Variants in TRIO observed in about 807,000 individuals in gnomAD.
TRIO encodes the protein triple functional domain protein.
In TRIO, 58 loss-of-function variants were observed where a neutral mutation model predicts 351.9. That is an observed-to-expected ratio of 0.16 (90% CI 0.13 to 0.21). TRIO has a LOEUF of 0.21. Ranked by LOEUF, TRIO falls within the 10% of genes least tolerant of loss-of-function variation. The pLI, the probability that TRIO is intolerant of heterozygous loss-of-function variation, is 1.00. For synonymous variants in TRIO, 1,758 were observed against 1,595.7 expected (o/e 1.10, Z -2.42); for missense variants, 3,201 against 4,027.8 (o/e 0.79, Z 5.56).
chr5:14,477,039 A>G, intron 41 of TRIO, 76 bp downstream of exon 41: 1 of 1,315,214 alleles, frequency 7.6e-7, no homozygotes, highest in South Asian at 1.3e-5. Flanking sequence ...ATTAAAGGAG[A>G]ACTCACTTAT....
intron 7 of TRIO, 86 bp downstream of exon 7, chr5:14,297,349 G>T: frequency 1.4e-6 from 2 of 1,438,552 alleles, no homozygotes; most frequent in South Asian, 2.8e-5. Context: ...AAACACTCTT[G>T]TGTAGCACAT....
chr5:14,406,121 G>T, intron 32 of TRIO, 131 bp downstream of exon 32: 1 of 1,295,762 alleles, frequency 7.7e-7, no homozygotes, highest in Non-Finnish European at 1.0e-6. Context: ...TGCCATTTGT[G>T]GATAACATCA....
intron 1 of TRIO, among the ~76,000 whole-genome samples, chr5:14,209,405 A>G (rs770940543): frequency 2.0e-5 from 3 of 152,240 alleles, no homozygotes; most frequent in Non-Finnish European, 2.9e-5. Flanking sequence ...GGAAGTCACC[A>G]TCTGTGGCCT....
intron 11 of TRIO, among the ~76,000 whole-genome samples, chr5:14,337,191 C>T (rs577907169): frequency 6.6e-6 from 1 of 152,212 alleles, no homozygotes; most frequent in East Asian, 1.9e-4. Context: ...AATATTAAAG[C>T]TAATGTCATA....
At chr5:14,413,333 C>T (rs1479116303) in intron 33 of TRIO, among the ~76,000 whole-genome samples, 2 of 152,240 alleles carry the variant, frequency 1.3e-5, no homozygotes, top group Non-Finnish European at 2.9e-5. Context: ...AGCACCTTTC[C>T]AGCTGTTCCG....
At chr5:14,348,960 ATGTG>A (rs551286985) in intron 11 of TRIO, among the ~76,000 whole-genome samples, 6 of 142,372 alleles carry the variant, frequency 4.2e-5, no homozygotes, top group African/African-American at 1.6e-4. Context: ...ACACGTGAGC[ATGTG>A]TGTTTTTCCT....
In TRIO at chr5:14,143,885, G is replaced by T; in HGVS notation, c.157+3G>T. On this transcript the variant is annotated splice_donor_region_variant and intron_variant, in intron 1 of 56. Coordinates refer to ENST00000344204, the MANE Select transcript of TRIO (RefSeq NM_007118.4). ...CATCGCGGCCTTCTTCCGATCCGGT[G>T]AGTGCAACTGCGGCCGGCCCGCCCA... is the stretch of plus-strand genomic sequence containing the variant. 1 of 1,077,530 alleles carries T rather than the reference G, an allele frequency of 9.3e-7. No individual in the cohort carries two copies. The highest frequency in any genetic ancestry group is 1.1e-6 in the Non-Finnish European group (1 of 890,062). The allele number at this position is 1,077,530 out of a possible 1,614,324, so 66.7% of individuals were successfully genotyped here. A position where few individuals can be genotyped will look rare whatever the true frequency, so the allele number is the denominator to read the frequency against.
intron 54 of TRIO, among the ~76,000 whole-genome samples, chr5:14,503,307 T>C (rs142197032): frequency 6.6e-6 from 1 of 152,356 alleles, no homozygotes; most frequent in Non-Finnish European, 1.5e-5. Context: ...CAGCACCCTC[T>C]GGCATTCATT....
intron 1 of TRIO, among the ~76,000 whole-genome samples, chr5:14,248,409 A>G (rs900355588): frequency 2.6e-5 from 4 of 152,216 alleles, no homozygotes; most frequent in Non-Finnish European, 5.9e-5. Flanking sequence ...TTAAAGTGAC[A>G]TTGAGTAGAT....
intron 5 of TRIO, 23 bp downstream of exon 5, chr5:14,291,251 C>A: frequency 6.3e-7 from 1 of 1,599,590 alleles, no homozygotes; most frequent in South Asian, 1.1e-5. Flanking sequence ...GAGGCTAATG[C>A]CTCAGTGGAC....
At chr5:14,185,827 T>TAG (rs1455702999) in intron 1 of TRIO, among the ~76,000 whole-genome samples, 2 of 152,136 alleles carry the variant, frequency 1.3e-5, no homozygotes, top group Non-Finnish European at 2.9e-5. Flanking sequence ...TACCCAGGGA[T>TAG]AGTCTAGTTA....
intron 1 of TRIO, among the ~76,000 whole-genome samples, chr5:14,270,326 TTA>T (rs1179011601): frequency 6.6e-6 from 1 of 152,124 alleles, no homozygotes; most frequent in Non-Finnish European, 1.5e-5. Context: ...CCCCAGCTAT[TTA>T]TAATCCCCTC....
rs1480990353 is a variant in TRIO at position 14,248,631 on chromosome 5, A to AGG, written c.158-22192_158-22191dup. On this transcript the variant is annotated intron_variant, in intron 1 of 56. Transcript: ENST00000344204. ...AGCCCCTTGCAAGCGCCGTCCACACAGGGCCCCCAAGTGCTGCCCACCTAT... is the reference window on the plus strand; with the variant it reads ...AGCCCCTTGCAAGCGCCGTCCACACAGGGGGCCCCCAAGTGCTGCCCACCTAT... 2.6e-5 allele frequency among the ~76,000 whole-genome samples: 4 copies of AGG among 152,182 alleles called. No homozygotes were observed. The East Asian group carries it at 5.8e-4, about 22-fold the overall frequency.
At chr5:14,422,127 C>T (rs76911744) in intron 34 of TRIO, among the ~76,000 whole-genome samples, 1,729 of 152,254 alleles carry the variant, frequency 0.011, 39 homozygotes, top group African/African-American at 0.039. Context: ...ATGCAGCGAG[C>T]GAGTTAAACA....
At chr5:14,452,715 G>A (rs962693410) in intron 34 of TRIO, among the ~76,000 whole-genome samples, 2 of 152,196 alleles carry the variant, frequency 1.3e-5, no homozygotes, top group Non-Finnish European at 2.9e-5. Flanking sequence ...CAAATTCAGA[G>A]GCTGAAGTTT....
At chr5:14,507,488 C>T (rs1046068775) in intron 56 of TRIO, among the ~76,000 whole-genome samples, 11 of 152,190 alleles carry the variant, frequency 7.2e-5, no homozygotes, top group Admixed American at 7.2e-4. Flanking sequence ...CCCTCCCAGC[C>T]TTCCACGACT....
chr5:14,374,114 G>C, intron 18 of TRIO, 115 bp from the exon 19 acceptor site: 1 of 660,720 alleles, frequency 1.5e-6, no homozygotes, highest in South Asian at 2.0e-5. Flanking sequence ...TAAACCAGCA[G>C]GTGGCCAGAT....
intron 37 of TRIO, among the ~76,000 whole-genome samples, chr5:14,467,974 C>T (rs569869972): frequency 5.6e-4 from 85 of 152,106 alleles, no homozygotes; most frequent in African/African-American, 1.8e-3. Flanking sequence ...TTTTAAAAGC[C>T]ATTTATACAC....
At chr5:14,428,520 C>G (rs969275756) in intron 34 of TRIO, among the ~76,000 whole-genome samples, 1 of 152,174 alleles carries the variant, frequency 6.6e-6, no homozygotes, top group African/African-American at 2.4e-5. Context: ...TGTCCCTTTC[C>G]TGAGCACCGT....
Sources: gnomAD v4.1 joint callset for allele counts (sites outside exome capture counted in the v4.1 genomes callset) on GRCh38, gnomAD v4.1.1 for gene constraint, MANE v1.5 for transcripts, NCBI Gene and HGNC (gene_info 2026-07-23, HGNC 2026-07-21) for gene names.